PPARGC1A: variants seen among roughly 807,000 people sequenced by gnomAD.
PPARGC1A encodes the protein PPARG coactivator 1 alpha, also known as peroxisome proliferator-activated receptor gamma coactivator 1-alpha.
PPARGC1A carries 25 observed loss-of-function variants against 88.7 expected under a neutral mutation model. The ratio of observed to expected loss-of-function variants is 0.28; its 90% CI spans 0.21 to 0.39. The LOEUF (loss-of-function observed/expected upper bound fraction) is 0.39, where lower values mean the gene tolerates loss of function less well. PPARGC1A is among the 10% of genes least tolerant of loss of function. PPARGC1A has a pLI of 1.00. For synonymous variants in PPARGC1A, 363 were observed against 355.6 expected (o/e 1.02, Z -0.24); for missense variants, 880 against 968.7 (o/e 0.91, Z 1.22).
the PPARGC1A span, among the ~76,000 whole-genome samples, chr4:23,999,780 C>A: frequency 4.6e-5 from 7 of 152,124 alleles, no homozygotes. Context: ...AAAAGGCACT[C>A]TGTGATGGGG....
the PPARGC1A span, among the ~76,000 whole-genome samples, chr4:23,984,940 T>C: frequency 6.6e-6 from 1 of 152,086 alleles, no homozygotes; most frequent in African/African-American, 2.4e-5. Flanking sequence ...TTGGGGAAGA[T>C]GTGAATTAGA....
the PPARGC1A span, among the ~76,000 whole-genome samples, chr4:24,318,168 A>T: frequency 6.6e-6 from 1 of 152,226 alleles, no homozygotes; most frequent in Non-Finnish European, 1.5e-5. Flanking sequence ...AAATAGAAAA[A>T]TGCAGGTAGC....
intron 2 of PPARGC1A, among the ~76,000 whole-genome samples, chr4:23,838,717 T>C (rs1304959237): frequency 6.6e-6 from 1 of 152,130 alleles, no homozygotes; most frequent in Non-Finnish European, 1.5e-5. Context: ...TAACATAAAT[T>C]TTAATTTCAC....
At chr4:24,296,753 C>G in the PPARGC1A span, among the ~76,000 whole-genome samples, 1 of 152,064 alleles carries the variant, frequency 6.6e-6, no homozygotes, top group Non-Finnish European at 1.5e-5. Context: ...CTTTATTACT[C>G]TAACTGATTT....
the PPARGC1A span, among the ~76,000 whole-genome samples, chr4:24,289,615 T>C: frequency 6.6e-6 from 1 of 152,220 alleles, no homozygotes; most frequent in Non-Finnish European, 1.5e-5. Flanking sequence ...ATCTTCTCAC[T>C]AGTGATTCCT....
the PPARGC1A span, among the ~76,000 whole-genome samples, chr4:24,051,467 T>C: frequency 2.0e-5 from 3 of 152,238 alleles, no homozygotes; most frequent in Non-Finnish European, 4.4e-5. Flanking sequence ...CTTCATTCTC[T>C]ATCTTAACAC....
At chr4:24,389,833 T>C in the PPARGC1A span, among the ~76,000 whole-genome samples, 3 of 152,112 alleles carry the variant, frequency 2.0e-5, no homozygotes, top group Admixed American at 2.0e-4. Context: ...AATGACAGGA[T>C]TCCCCACTAT....
At chr4:23,834,070 C>A (rs555758266) in intron 2 of PPARGC1A, among the ~76,000 whole-genome samples, 4 of 152,222 alleles carry the variant, frequency 2.6e-5, no homozygotes, top group Admixed American at 6.5e-5. Context: ...TAGGTTGAGG[C>A]AGGCGGATCA....
At chr4:24,144,616 G>A in the PPARGC1A span, among the ~76,000 whole-genome samples, 1 of 151,884 alleles carries the variant, frequency 6.6e-6, no homozygotes, top group African/African-American at 2.4e-5. Flanking sequence ...GGAAACCTGA[G>A]CTTGAGACCA....
At chr4:23,994,847 T>C in the PPARGC1A span, among the ~76,000 whole-genome samples, 107 of 152,226 alleles carry the variant, frequency 7.0e-4, no homozygotes, top group African/African-American at 2.4e-3. Flanking sequence ...GCAACATATA[T>C]AGAAGATGAC....
chr4:24,142,974 G>C, the PPARGC1A span, among the ~76,000 whole-genome samples: 1 of 152,196 alleles, frequency 6.6e-6, no homozygotes. Flanking sequence ...TAAAATAATA[G>C]TGTGCTTAGT....
chr4:23,813,275 G>A (rs1051065815), intron 8 of PPARGC1A, 150 bp from the exon 9 acceptor site: 2 of 699,856 alleles, frequency 2.9e-6, no homozygotes, highest in African/African-American at 3.5e-5. Context: ...GACAGTTTGT[G>A]ATCATCTAGT....
At chr4:24,270,206 T>A in the PPARGC1A span, among the ~76,000 whole-genome samples, 1 of 152,148 alleles carries the variant, frequency 6.6e-6, no homozygotes, top group African/African-American at 2.4e-5. Context: ...TCACTGGAAC[T>A]TACACCACTG....
the PPARGC1A span, among the ~76,000 whole-genome samples, chr4:24,421,749 G>C: frequency 1.3e-5 from 2 of 152,180 alleles, no homozygotes; most frequent in African/African-American, 4.8e-5. Flanking sequence ...ATCTAAGTAA[G>C]CAGTACTGAA....
chr4:24,327,940 T>A, the PPARGC1A span, among the ~76,000 whole-genome samples: 1 of 152,126 alleles, frequency 6.6e-6, no homozygotes. Context: ...CTGCCCCACC[T>A]TAACTGAGTG....
the PPARGC1A span, among the ~76,000 whole-genome samples, chr4:24,211,925 A>G: frequency 1.3e-5 from 2 of 152,096 alleles, no homozygotes; most frequent in South Asian, 2.1e-4. Flanking sequence ...AAGCCAGCCA[A>G]TGTCTTATCA....
At chr4:23,862,942 G>GC (rs1344953388) in intron 2 of PPARGC1A, among the ~76,000 whole-genome samples, 5 of 152,056 alleles carry the variant, frequency 3.3e-5, no homozygotes, top group Admixed American at 6.6e-5. Context: ...AATAGCAGCC[G>GC]CCCCACCTGC....
the PPARGC1A span, among the ~76,000 whole-genome samples, chr4:24,470,988 G>C: frequency 6.6e-6 from 1 of 151,522 alleles, no homozygotes; most frequent in African/African-American, 2.4e-5. This position sits in a 1 kb window ranked among gnomAD's most constrained non-coding sequence, Gnocchi z 5.8. Flanking sequence ...TCTGCCGGGA[G>C]CTCGCAGGAA....
the PPARGC1A span, among the ~76,000 whole-genome samples, chr4:24,106,458 A>G: frequency 1.3e-5 from 2 of 152,220 alleles, no homozygotes; most frequent in Non-Finnish European, 2.9e-5. Context: ...ACCTTCAAGT[A>G]GCAACTTGAG....
Sources: gnomAD v4.1 joint callset for allele counts (sites outside exome capture counted in the v4.1 genomes callset) on GRCh38, gnomAD v4.1.1 for gene constraint, Gnocchi (gnomAD v3.1) non-coding constraint, MANE v1.5 for transcripts, NCBI Gene and HGNC (gene_info 2026-07-23, HGNC 2026-07-21) for gene names.